Variants in PCNX1 observed in about 807,000 individuals in gnomAD.
PCNX1 encodes the protein pecanex-like protein 1.
Under a neutral mutation model 242.2 loss-of-function variants are expected in PCNX1, and 78 were observed. The ratio of observed to expected loss-of-function variants is 0.32; its 90% CI spans 0.27 to 0.39. The LOEUF is 0.39. PCNX1 is among the 10% of genes least tolerant of loss of function. PCNX1 has a pLI of 1.00. For missense variants in PCNX1, 2,581 were observed against 2,856.5 expected (o/e 0.90, Z 2.20); for synonymous variants, 1,024 against 1,032.9 (o/e 0.99, Z 0.17).
chr14:71,031,678 C>T (rs1406126902), intron 16 of PCNX1: 14 of 742,960 alleles, frequency 1.9e-5, no homozygotes, highest in Middle Eastern at 2.4e-4. Context: ...GTCCTGCTCA[C>T]GTCTGTACAT....
In PCNX1 at chr14:71,047,734, A is replaced by T; in HGVS notation, c.4161-73A>T. 4.0e-6 allele frequency: 5 copies of T among 1,260,212 alleles called. No homozygotes were observed. The South Asian group carries it at 7.2e-5, about 18-fold the overall frequency. The allele number at this position is 1,260,212 out of a possible 1,614,324, so 78.1% of individuals were successfully genotyped here. On this transcript the variant is annotated intron_variant, in intron 21 of 35. Coordinates refer to ENST00000304743, the MANE Select transcript of PCNX1 (RefSeq NM_014982.3). ...TATAAGCTTAGTAAAGTAAATGGTG[A>T]ATTTTATTTTAAGTTACTGTCTCTT... is the stretch of plus-strand genomic sequence containing the variant.
At position 71,108,528 on chromosome 14, in the gene PCNX1, T is replaced by G. The variant is rs2062683609; in HGVS notation, c.6302-76T>G. The G allele has an allele frequency of 4.2e-6, 5 of 1,186,880 alleles. No homozygotes were observed. In the African/African-American group the frequency reaches 4.6e-5, roughly 11 times the overall value. The allele number at this position is 1,186,880 out of a possible 1,614,324, so 73.5% of individuals were successfully genotyped here. ...CCAATTAATTGCTTAGGGGAAAAAG[T>G]CTTAGAAACTGCAAAACAGAAGTAT... On this transcript the variant is annotated intron_variant, in intron 33 of 35. Transcript: ENST00000304743.
intron 1 of PCNX1, among the ~76,000 whole-genome samples, chr14:70,934,676 C>T (rs2056931626): frequency 6.6e-6 from 1 of 152,118 alleles, no homozygotes; most frequent in African/African-American, 2.4e-5. Context: ...CCAAACTTTC[C>T]CAGATCTTCT....
chr14:70,948,025 A>G (rs977861168), intron 2 of PCNX1, among the ~76,000 whole-genome samples: 1 of 152,108 alleles, frequency 6.6e-6, no homozygotes, highest in Non-Finnish European at 1.5e-5. Context: ...GCCTGGCGAA[A>G]TTGTAGGCAG....
At chr14:71,088,007 A>G (rs1283855133) in intron 28 of PCNX1, among the ~76,000 whole-genome samples, 1 of 152,092 alleles carries the variant, frequency 6.6e-6, no homozygotes, top group African/African-American at 2.4e-5. Flanking sequence ...GAAATATTGT[A>G]TTTTCAAGAG....
chr14:70,908,071 CCCTCTT>C, intron 1 of PCNX1, 68 bp downstream of exon 1: 5 of 1,423,378 alleles, frequency 3.5e-6, no homozygotes, highest in African/African-American at 1.5e-5. Context: ...TGGGGTCGCG[CCCTCTT>C]CCTCTTCCAC....
At chr14:71,009,513 AT>A (rs954338355) in intron 8 of PCNX1, 120 bp from the exon 9 acceptor site, 13 of 480,806 alleles carry the variant, frequency 2.7e-5, no homozygotes, top group Admixed American at 2.7e-4. Flanking sequence ...TTTTAAAAAA[AT>A]TTTTTTTAAA....
At chr14:71,083,950 G>A (rs555725387) in intron 28 of PCNX1, among the ~76,000 whole-genome samples, 214 of 152,174 alleles carry the variant, frequency 1.4e-3, no homozygotes, top group Non-Finnish European at 2.4e-3. Context: ...TGGAATTTTC[G>A]GCCTTTTTGC....
intron 2 of PCNX1, among the ~76,000 whole-genome samples, chr14:70,958,221 A>G (rs2140435947): frequency 6.6e-6 from 1 of 152,262 alleles, no homozygotes; most frequent in African/African-American, 2.4e-5. Context: ...TTATAAATGG[A>G]TAGTAAGTTA....
At chr14:70,998,750 CAAAAAAAA>C (rs34044438) in intron 8 of PCNX1, among the ~76,000 whole-genome samples, 3 of 89,090 alleles carry the variant, frequency 3.4e-5, no homozygotes, top group South Asian at 3.7e-4. Flanking sequence ...GACCCTATCT[CAAAAAAAA>C]AAAAAAAAAA....
intron 6 of PCNX1, among the ~76,000 whole-genome samples, chr14:70,980,721 A>G (rs1361423899): frequency 6.6e-6 from 1 of 152,110 alleles, no homozygotes; most frequent in Non-Finnish European, 1.5e-5. Flanking sequence ...TACTGTTTAA[A>G]GATACTTGTT....
intron 2 of PCNX1, among the ~76,000 whole-genome samples, chr14:70,959,648 G>A (rs890430195): frequency 2.0e-5 from 3 of 150,852 alleles, no homozygotes; most frequent in African/African-American, 4.9e-5. Flanking sequence ...ATTTGGGTTG[G>A]TTCCAAGTCT....
At chr14:71,096,521 A>G (rs537806918) in intron 30 of PCNX1, among the ~76,000 whole-genome samples, 1 of 152,242 alleles carries the variant, frequency 6.6e-6, no homozygotes, top group South Asian at 2.1e-4. Flanking sequence ...CTGGACTTTT[A>G]TTTTTCATTC....
At chr14:71,101,498 G>T (rs2877714) in intron 30 of PCNX1, among the ~76,000 whole-genome samples, 84,192 of 151,962 alleles carry the variant, frequency 0.55, 24,633 homozygotes, top group East Asian at 0.74. Context: ...GCTCAGAGCT[G>T]CTAGCTTTGA....
intron 5 of PCNX1, among the ~76,000 whole-genome samples, chr14:70,970,542 A>G (rs1245189762): frequency 1.3e-5 from 2 of 152,212 alleles, no homozygotes; most frequent in African/African-American, 4.8e-5. Flanking sequence ...GGAAAGTACC[A>G]TATGCAAACA....
At chr14:71,069,261 G>C (rs1038185405) in intron 26 of PCNX1, among the ~76,000 whole-genome samples, 1 of 152,148 alleles carries the variant, frequency 6.6e-6, no homozygotes. Context: ...TTCAAGATCA[G>C]ATTTGGGTGG....
At chr14:71,041,815 A>G (rs946872580) in intron 19 of PCNX1, among the ~76,000 whole-genome samples, 2 of 137,848 alleles carry the variant, frequency 1.5e-5, no homozygotes, top group Non-Finnish European at 3.1e-5. Context: ...ATACTATACT[A>G]TACTATACTA....
chr14:70,945,378 A>G (rs2057416343), intron 1 of PCNX1, among the ~76,000 whole-genome samples: 1 of 152,242 alleles, frequency 6.6e-6, no homozygotes, highest in Non-Finnish European at 1.5e-5. Flanking sequence ...CCAGTTATTC[A>G]GTAACATTTT....
In PCNX1 at chr14:70,947,232, T is replaced by C. The variant is rs1383827310; in HGVS notation, c.362+109T>C. 5.0e-6 allele frequency: 4 copies of C among 798,714 alleles called. No homozygotes were observed. The Admixed American group carries it at 9.2e-5, about 18-fold the overall frequency. 49.5% of individuals were successfully genotyped at this position (798,714 alleles called of 1,614,324 possible). ...TTTTCTTTATATGGTTTTAAGGCAG[T>C]GTTAGATCTTACCACTGTAGATACA... On this transcript the variant is annotated intron_variant, in intron 2 of 35. Transcript: ENST00000304743.
Sources: gnomAD v4.1 joint callset for allele counts (sites outside exome capture counted in the v4.1 genomes callset) on GRCh38, gnomAD v4.1.1 for gene constraint, MANE v1.5 for transcripts, NCBI Gene and HGNC (gene_info 2026-07-23, HGNC 2026-07-21) for gene names.